The following DLGAP4 variants were observed in gnomAD, a reference collection of about 807,000 sequenced individuals.
DLGAP4 encodes the protein disks large-associated protein 4.
DLGAP4 carries 18 observed loss-of-function variants against 86.9 expected under a neutral mutation model. That is an observed-to-expected ratio of 0.21 (90% CI 0.14 to 0.31). DLGAP4 has a LOEUF of 0.31. Among genes scored for constraint, DLGAP4 ranks in the 10% least tolerant of loss-of-function variants. DLGAP4 has a pLI of 1.00. For missense variants in DLGAP4, 1,085 were observed against 1,362.6 expected, an observed-to-expected ratio of 0.80 and a Z score of 3.21; for synonymous variants, 548 against 574.3, an observed-to-expected ratio of 0.95 and a Z score of 0.65.
intron 2 of DLGAP4, among the ~76,000 whole-genome samples, chr20:36,402,185 C>T (rs981979914): frequency 5.3e-5 from 8 of 152,216 alleles, no homozygotes; most frequent in Non-Finnish European, 1.5e-5. Context: ...TAGGGCTCTA[C>T]TGATGGGAAT....
At chr20:36,511,313 C>CT (rs1569523763) in intron 10 of DLGAP4, among the ~76,000 whole-genome samples, 1 of 152,152 alleles carries the variant, frequency 6.6e-6, no homozygotes, top group Non-Finnish European at 1.5e-5. Context: ...GGTGATCCTC[C>CT]TGCCTCAGCT....
intron 2 of DLGAP4, among the ~76,000 whole-genome samples, chr20:36,381,042 T>C (rs1482340971): frequency 6.6e-6 from 1 of 152,232 alleles, no homozygotes; most frequent in East Asian, 1.9e-4. Flanking sequence ...GCTAGCATGA[T>C]CCACCTTAAA....
In DLGAP4 at chr20:36,446,567, G is replaced by A. The variant is rs79966819; in HGVS notation, c.1408-130G>A. 3.9e-4 allele frequency: 318 copies of A among 806,238 alleles called. 2 individuals carry two copies. The East Asian group carries it at 8.1e-3, about 21-fold the overall frequency. The allele number at this position is 806,238 out of a possible 1,614,324, so 49.9% of individuals were successfully genotyped here. On this transcript the variant is annotated intron_variant, in intron 6 of 12. Transcript: ENST00000339266. ...TCTCCCCATCCCATACGCTGAGTGA[G>A]ATGGACAGGGGTGGGCTGAGGTCAG...
chr20:36,405,190 A>C (rs573383367), intron 2 of DLGAP4, among the ~76,000 whole-genome samples: 8 of 152,320 alleles, frequency 5.3e-5, no homozygotes, highest in African/African-American at 1.9e-4. Context: ...TAGGAAGAGG[A>C]GGTTGGAGTC....
rs1398705452 is a variant in DLGAP4, at chr20:36,350,789, G to A, written c.-303-16256G>A. Among the ~76,000 whole-genome samples, 3 of 152,358 alleles carry A rather than the reference G, an allele frequency of 2.0e-5. No individual in the cohort carries two copies. The highest frequency in any genetic ancestry group is 7.2e-5 in the African/African-American group (3 of 41,584). ...AGTCTCCCTTTTGCAGATGCTGGAG[G>A]GGACTGTCCCTCACTGCCTGACTCC... On this transcript the variant is annotated intron_variant, in intron 1 of 12. Transcript: ENST00000339266. The surrounding 1 kb of genome is among the most constrained non-coding windows in gnomAD (Gnocchi z 4.4).
In DLGAP4 at chr20:36,439,834, G is replaced by A; in HGVS notation, c.1322G>A (p.Ser441Asn). ...PSWEEDYTPV[S>N]DSLNDSSCIS... The stretch of plus-strand genomic sequence containing the variant: ...TGGGAAGAGGACTACACCCCCGTCA[G>A]CGACAGCCTCAACGACTCCAGCTGC... The change falls in exon 5 of 13, where the codon AGC becomes AAC. Residue 441 changes from serine (S) to asparagine (N), a missense_variant. By Grantham distance (46) the Ser-to-Asn change is conservative. Transcript: ENST00000339266. 1.9e-6 allele frequency: 3 copies of A among 1,613,730 alleles called. No homozygotes were observed. The highest frequency in any genetic ancestry group is 2.5e-6 in the Non-Finnish European group (3 of 1,179,988).
At chr20:36,436,420 TG>T in intron 4 of DLGAP4, 70 bp downstream of exon 4, 2 of 1,470,902 alleles carry the variant, frequency 1.4e-6, no homozygotes, top group Non-Finnish European at 1.8e-6. Context: ...TCTTGCTCCC[TG>T]GGAGGAGCCC....
intron 2 of DLGAP4, among the ~76,000 whole-genome samples, chr20:36,421,010 G>A (rs536499869): frequency 2.0e-5 from 3 of 152,068 alleles, no homozygotes; most frequent in South Asian, 2.1e-4. Context: ...TGCCTGTGGT[G>A]CACAGCTATA....
At chr20:36,335,804 G>A (rs1488659284) in intron 1 of DLGAP4, among the ~76,000 whole-genome samples, 2 of 152,152 alleles carry the variant, frequency 1.3e-5, no homozygotes, top group Non-Finnish European at 2.9e-5. Flanking sequence ...CCTCTGGGAA[G>A]CCTTCTCCAG....
intron 7 of DLGAP4, among the ~76,000 whole-genome samples, chr20:36,457,167 A>C (rs1250528634): frequency 6.6e-6 from 1 of 151,392 alleles, no homozygotes; most frequent in Non-Finnish European, 1.5e-5. Context: ...AGGGGTGCCG[A>C]GGTATAAACA....
At chr20:36,485,676 A>G (rs1390258477) in intron 7 of DLGAP4, among the ~76,000 whole-genome samples, 1 of 152,202 alleles carries the variant, frequency 6.6e-6, no homozygotes, top group Non-Finnish European at 1.5e-5. Flanking sequence ...TCATAAGAGT[A>G]AAAAGCCTCT....
chr20:36,512,542 C>G (rs1411757264), intron 10 of DLGAP4: 1 of 152,334 alleles, frequency 6.6e-6, no homozygotes, highest in African/African-American at 2.4e-5. Flanking sequence ...AACAAAATCC[C>G]TCCCCTCATG....
At position 36,431,516 on chromosome 20, in the gene DLGAP4, C is replaced by T; in HGVS notation, c.-72-130C>T. Reference sequence around the variant, plus strand: ...CGTGGGCCTCGGTGTGTACTCCTGTCCTCAGGCCCACAACATTGAGGACTG... The same window carrying T: ...CGTGGGCCTCGGTGTGTACTCCTGTTCTCAGGCCCACAACATTGAGGACTG... On this transcript the variant is annotated intron_variant, in intron 2 of 12. Transcript: ENST00000339266. This position sits in a 1 kb window ranked among gnomAD's most constrained non-coding sequence, Gnocchi z 5.1. The T allele has an allele frequency of 4.9e-6, 3 of 606,734 alleles. No individual in the cohort carries two copies. The highest frequency in any genetic ancestry group is 8.5e-6 in the Non-Finnish European group (3 of 352,670). The allele number at this position is 606,734 out of a possible 1,614,324, so 37.6% of individuals were successfully genotyped here.
At chr20:36,414,067 G>C (rs147114728) in intron 2 of DLGAP4, among the ~76,000 whole-genome samples, 6 of 152,206 alleles carry the variant, frequency 3.9e-5, no homozygotes, top group African/African-American at 1.2e-4. Flanking sequence ...GGTCCCGTTT[G>C]CCCCTCACAA....
At chr20:36,426,501 C>T (rs1038191274) in intron 2 of DLGAP4, among the ~76,000 whole-genome samples, 5 of 151,224 alleles carry the variant, frequency 3.3e-5, no homozygotes, top group South Asian at 2.1e-4. Context: ...GGTGACAGAG[C>T]GAGACTCTCA....
intron 7 of DLGAP4, among the ~76,000 whole-genome samples, chr20:36,457,647 C>T (rs2033913521): frequency 6.6e-6 from 1 of 151,566 alleles, no homozygotes; most frequent in South Asian, 2.1e-4. Context: ...TCCCAAAATG[C>T]TGGGATTACA....
chr20:36,363,525 T>A (rs1460957050), intron 1 of DLGAP4, among the ~76,000 whole-genome samples: 1 of 152,002 alleles, frequency 6.6e-6, no homozygotes, highest in Non-Finnish European at 1.5e-5. Context: ...TGCTGATGGC[T>A]TGCGTGTGAG....
intron 2 of DLGAP4, among the ~76,000 whole-genome samples, 195 bp downstream of exon 2, chr20:36,367,470 G>A (rs969605406): frequency 1.3e-5 from 2 of 152,324 alleles, no homozygotes; most frequent in African/African-American, 2.4e-5. Flanking sequence ...CAGGAGGTGC[G>A]TGTGGTGATC....
rs2030114943 is a variant in DLGAP4, at chr20:36,350,481, T to C, written c.-303-16564T>C. Among the ~76,000 whole-genome samples, 1 of 152,172 alleles carries C rather than the reference T, an allele frequency of 6.6e-6. No individual in the cohort carries two copies. The highest frequency in any genetic ancestry group is 1.5e-5 in the Non-Finnish European group (1 of 68,032). On this transcript the variant is annotated intron_variant, in intron 1 of 12. Transcript: ENST00000339266. The surrounding 1 kb of genome is among the most constrained non-coding windows in gnomAD (Gnocchi z 4.4). ...ATTCAACTTCCTTCAATATCTCAAT[T>C]TGCAGGTGCTTAATGAAAATGCATG...
Sources: gnomAD v4.1 joint callset for allele counts (sites outside exome capture counted in the v4.1 genomes callset) on GRCh38, gnomAD v4.1.1 for gene constraint, Gnocchi (gnomAD v3.1) non-coding constraint, MANE v1.5 for transcripts, NCBI Gene and HGNC (gene_info 2026-07-23, HGNC 2026-07-21) for gene names.